The following ALDH1A1 variants were observed in gnomAD, a reference collection of about 807,000 sequenced individuals.
ALDH1A1 encodes aldehyde dehydrogenase 1 family member A1.
Under a neutral mutation model 62.1 loss-of-function variants are expected in ALDH1A1, and 19 were observed. The observed-to-expected ratio is 0.31, with a 90% CI of 0.21 to 0.45. The LOEUF (loss-of-function observed/expected upper bound fraction) is 0.45. Among genes scored for constraint, ALDH1A1 ranks in the 20% least tolerant of loss-of-function variants. The pLI is 1.00. For synonymous variants in ALDH1A1, 231 were observed against 215.9 expected (o/e 1.07, Z -0.61); for missense variants, 521 against 607.1 (o/e 0.86, Z 1.49).
intron 3 of ALDH1A1, 53 bp downstream of exon 3, chr9:72,930,826 C>G: frequency 6.2e-7 from 1 of 1,605,672 alleles, no homozygotes; most frequent in South Asian, 1.1e-5. Flanking sequence ...CCATTTCAAA[C>G]GCTGAATGCT....
chr9:72,939,491 C>G (rs1193734040), intron 2 of ALDH1A1, among the ~76,000 whole-genome samples: 2 of 151,636 alleles, frequency 1.3e-5, no homozygotes, highest in African/African-American at 4.8e-5. Context: ...TTAGTTTTAT[C>G]TAGCAACATA....
intron 4 of ALDH1A1, 118 bp downstream of exon 4, chr9:72,928,774 A>C: frequency 8.6e-7 from 1 of 1,160,056 alleles, no homozygotes; most frequent in African/African-American, 1.6e-5. Flanking sequence ...AGTCAAGAGG[A>C]AAATAATTTT....
intron 4 of ALDH1A1, among the ~76,000 whole-genome samples, chr9:72,927,615 C>A (rs1830228122): frequency 6.6e-6 from 1 of 152,080 alleles, no homozygotes; most frequent in South Asian, 2.1e-4. Flanking sequence ...AAGAGAAGAA[C>A]CACATTCCAA....
chr9:72,918,872 C>T (rs750725759), intron 7 of ALDH1A1, 50 bp from the exon 8 acceptor site: 1 of 1,377,284 alleles, frequency 7.3e-7, no homozygotes. Context: ...CTCATGAACA[C>T]AGGTTGCTTT....
At chr9:72,906,940 C>T (rs529941013) in intron 11 of ALDH1A1, among the ~76,000 whole-genome samples, 8 of 152,170 alleles carry the variant, frequency 5.3e-5, no homozygotes, top group African/African-American at 1.9e-4. Flanking sequence ...GAGTTTGAGA[C>T]CAGCCTGGGC....
chr9:72,911,907 AACAG>A (rs752185042), intron 10 of ALDH1A1, 47 bp downstream of exon 10: 1 of 1,604,778 alleles, frequency 6.2e-7, no homozygotes, highest in Non-Finnish European at 8.5e-7. Context: ...TATACACACA[AACAG>A]ACAAAACATG....
intron 11 of ALDH1A1, among the ~76,000 whole-genome samples, chr9:72,908,556 A>AAAAGAAAG (rs1564622511): frequency 7.8e-4 from 3 of 3,856 alleles, no homozygotes; most frequent in African/African-American, 1.8e-3. Context: ...AAGAAAGAAG[A>AAAAGAAAG]AAGAAAGAAA....
chr9:72,952,844 A>T, intron 1 of ALDH1A1, 91 bp downstream of exon 1: 1 of 1,446,374 alleles, frequency 6.9e-7, no homozygotes, highest in Non-Finnish European at 9.4e-7. Flanking sequence ...AGGGCTCTTT[A>T]CACAAGTTTA....
chr9:72,925,478 A>T lies in ALDH1A1; in HGVS notation c.633+6T>A. On this transcript the variant is annotated splice_donor_region_variant and intron_variant, in intron 6 of 12. Transcript: ENST00000297785. Reference sequence around the variant, plus strand: ...CTTGAGCATATTTTGATTTCGGGAGACTTACCTCTTTTATTAAAGATGCCA... The same window carrying T: ...CTTGAGCATATTTTGATTTCGGGAGTCTTACCTCTTTTATTAAAGATGCCA... 1 of 1,611,546 alleles carries T rather than the reference A, an allele frequency of 6.2e-7. No individual in the cohort carries two copies. The highest frequency in any genetic ancestry group is 8.5e-7 in the Non-Finnish European group (1 of 1,179,256).
rs145243943 is a variant in ALDH1A1, at chr9:72,923,933, G to A, written c.747+86C>T. ...TAAAAAGAGTTTTTGTTTTAAAATT[G>A]TTGGCTCAAAAATAGTTACATAAAA... On this transcript the variant is annotated intron_variant, in intron 7 of 12. Transcript: ENST00000297785. 7.3e-5 allele frequency: 65 copies of A among 884,894 alleles called. No individual in the cohort carries two copies. The African/African-American group carries it at 1.0e-3, about 14-fold the overall frequency. 54.8% of individuals were successfully genotyped at this position (884,894 alleles called of 1,614,324 possible).
intron 1 of ALDH1A1, among the ~76,000 whole-genome samples, chr9:72,946,550 T>C (rs2118579910): frequency 6.6e-6 from 1 of 152,132 alleles, no homozygotes; most frequent in South Asian, 2.1e-4. Flanking sequence ...ACCCAAAACA[T>C]GTCAGCGTCA....
At chr9:72,907,316 A>C (rs1217963374) in intron 11 of ALDH1A1, among the ~76,000 whole-genome samples, 2 of 152,172 alleles carry the variant, frequency 1.3e-5, no homozygotes. Context: ...GAGTTCAATA[A>C]TTTTCCTGAA....
At chr9:72,942,705 T>A (rs1353592457) in intron 1 of ALDH1A1, among the ~76,000 whole-genome samples, 1 of 152,100 alleles carries the variant, frequency 6.6e-6, no homozygotes, top group African/African-American at 2.4e-5. Flanking sequence ...TGTTCCAGCC[T>A]CATTCTACTG....
At chr9:72,917,577 T>C (rs995432565) in intron 8 of ALDH1A1, among the ~76,000 whole-genome samples, 1 of 151,910 alleles carries the variant, frequency 6.6e-6, no homozygotes, top group Admixed American at 6.6e-5. Context: ...AAAAACAAAA[T>C]AAAACAAAAA....
At chr9:72,949,666 T>TGC (rs1830516420) in intron 1 of ALDH1A1, among the ~76,000 whole-genome samples, 36 of 143,338 alleles carry the variant, frequency 2.5e-4, no homozygotes, top group Admixed American at 2.0e-3. Flanking sequence ...TGTGTGTGCG[T>TGC]GTGTGTGTGT....
chr9:72,918,916 G>C, intron 7 of ALDH1A1, 94 bp from the exon 8 acceptor site: 1 of 848,494 alleles, frequency 1.2e-6, no homozygotes, highest in Non-Finnish European at 1.8e-6. Context: ...TTGTGCCACA[G>C]TAAAATTTCA....
At chr9:72,909,087 T>G (rs929667464) in intron 11 of ALDH1A1, among the ~76,000 whole-genome samples, 1 of 151,866 alleles carries the variant, frequency 6.6e-6, no homozygotes, top group Non-Finnish European at 1.5e-5. Flanking sequence ...ACAATATTTT[T>G]GGTAAGCAAT....
At chr9:72,939,110 T>G (rs1455692245) in intron 2 of ALDH1A1, among the ~76,000 whole-genome samples, 1 of 152,158 alleles carries the variant, frequency 6.6e-6, no homozygotes, top group Non-Finnish European at 1.5e-5. Flanking sequence ...GGTTATAGTG[T>G]CAGAGGAACA....
intron 9 of ALDH1A1, among the ~76,000 whole-genome samples, chr9:72,913,341 C>A (rs1370013360): frequency 2.0e-5 from 3 of 151,904 alleles, no homozygotes; most frequent in Non-Finnish European, 4.4e-5. Context: ...GAAAATATTC[C>A]TTCATTTCCA....
Sources: gnomAD v4.1 joint callset for allele counts (sites outside exome capture counted in the v4.1 genomes callset) on GRCh38, gnomAD v4.1.1 for gene constraint, MANE v1.5 for transcripts, NCBI Gene and HGNC (gene_info 2026-07-23, HGNC 2026-07-21) for gene names.